The following ADAMTS6 variants were observed in gnomAD, a reference collection of about 807,000 sequenced individuals.
ADAMTS6 encodes the protein A disintegrin and metalloproteinase with thrombospondin motifs 6.
ADAMTS6 carries 23 observed loss-of-function variants against 144.3 expected under a neutral mutation model. The ratio of observed to expected loss-of-function variants is 0.16; its 90% CI spans 0.11 to 0.23. ADAMTS6 has a LOEUF of 0.23. ADAMTS6 is among the 10% of genes least tolerant of loss of function. The pLI, the probability that ADAMTS6 is intolerant of heterozygous loss-of-function variation, is 1.00. For missense variants in ADAMTS6, 999 were observed against 1,379.6 expected (o/e 0.72, Z 4.37); for synonymous variants, 444 against 457.5 (o/e 0.97, Z 0.38).
At chr5:65,152,013 G>T in intron 24 of ADAMTS6, 68 bp from the exon 25 acceptor site, 1 of 1,353,924 alleles carries the variant, frequency 7.4e-7, no homozygotes, top group Non-Finnish European at 1.0e-6. Flanking sequence ...ACAAGCCGAT[G>T]GGCCTGCATG....
chr5:65,307,541 T>G (rs1744048915), intron 9 of ADAMTS6, among the ~76,000 whole-genome samples: 1 of 152,192 alleles, frequency 6.6e-6, no homozygotes, highest in South Asian at 2.1e-4. Context: ...ATGATGAACT[T>G]TGCCCTTTTT....
chr5:65,470,193 G>A (rs1314331210), intron 3 of ADAMTS6, among the ~76,000 whole-genome samples: 1 of 151,572 alleles, frequency 6.6e-6, no homozygotes, highest in East Asian at 1.9e-4. Flanking sequence ...TAAAACACTG[G>A]GATTACAGAC....
At chr5:65,368,943 C>T (rs915306206) in intron 7 of ADAMTS6, among the ~76,000 whole-genome samples, 1 of 152,176 alleles carries the variant, frequency 6.6e-6, no homozygotes, top group Non-Finnish European at 1.5e-5. Flanking sequence ...GTAGTCCCAG[C>T]TACTTGGGAA....
chr5:65,261,285 A>C (rs979670440), intron 13 of ADAMTS6, among the ~76,000 whole-genome samples: 13 of 152,192 alleles, frequency 8.5e-5, no homozygotes, highest in African/African-American at 3.1e-4. Flanking sequence ...TTAATGAAAC[A>C]GTAAGACGTC....
At chr5:65,441,789 G>A (rs1266528785) in intron 7 of ADAMTS6, among the ~76,000 whole-genome samples, 1 of 150,820 alleles carries the variant, frequency 6.6e-6, no homozygotes, top group Non-Finnish European at 1.5e-5. Flanking sequence ...GCAGTGGGGG[G>A]GAATTTGGAA....
intron 15 of ADAMTS6, among the ~76,000 whole-genome samples, chr5:65,232,509 A>G (rs1488053603): frequency 6.6e-6 from 1 of 152,104 alleles, no homozygotes; most frequent in African/African-American, 2.4e-5. Flanking sequence ...CAGAAATGGA[A>G]GAGGAGACAT....
chr5:65,361,459 T>C (rs898018780), intron 7 of ADAMTS6, among the ~76,000 whole-genome samples: 1 of 152,198 alleles, frequency 6.6e-6, no homozygotes, highest in Non-Finnish European at 1.5e-5. Context: ...AGTTTCAACC[T>C]ACAACTCCCA....
chr5:65,362,293 G>C (rs1440186925), intron 7 of ADAMTS6, among the ~76,000 whole-genome samples: 1 of 152,146 alleles, frequency 6.6e-6, no homozygotes, highest in South Asian at 2.1e-4. Context: ...ATACCATTTG[G>C]CAAGCATCTC....
At chr5:65,447,331 C>A (rs947245073) in intron 7 of ADAMTS6, among the ~76,000 whole-genome samples, 1 of 151,986 alleles carries the variant, frequency 6.6e-6, no homozygotes, top group African/African-American at 2.4e-5. Context: ...TCCTAAGTAG[C>A]TATTAATTTG....
At chr5:65,376,011 A>G (rs1388416256) in intron 7 of ADAMTS6, among the ~76,000 whole-genome samples, 1 of 152,084 alleles carries the variant, frequency 6.6e-6, no homozygotes, top group Non-Finnish European at 1.5e-5. Context: ...TATTGCAAGA[A>G]CAAAAAAACA....
intron 7 of ADAMTS6, among the ~76,000 whole-genome samples, chr5:65,404,673 G>T (rs1449435198): frequency 6.6e-6 from 1 of 152,176 alleles, no homozygotes; most frequent in Non-Finnish European, 1.5e-5. Context: ...TAATGGGATG[G>T]CTGGGTCAAA....
chr5:65,316,119 C>A (rs948377639), intron 9 of ADAMTS6, among the ~76,000 whole-genome samples: 1 of 152,110 alleles, frequency 6.6e-6, no homozygotes, highest in Non-Finnish European at 1.5e-5. Flanking sequence ...ACCATGTTGC[C>A]CAGGCTGGTT....
At chr5:65,382,916 G>A (rs1293524766) in intron 7 of ADAMTS6, among the ~76,000 whole-genome samples, 1 of 152,160 alleles carries the variant, frequency 6.6e-6, no homozygotes, top group East Asian at 1.9e-4. Flanking sequence ...GAAGTCCAAG[G>A]TCAAGGCACA....
At chr5:65,250,154 A>G (rs1283792750) in intron 14 of ADAMTS6, among the ~76,000 whole-genome samples, 1 of 152,232 alleles carries the variant, frequency 6.6e-6, no homozygotes, top group East Asian at 1.9e-4. Context: ...TGAGGTATTG[A>G]ATACCAGTTA....
intron 7 of ADAMTS6, among the ~76,000 whole-genome samples, chr5:65,360,355 C>G (rs1749714361): frequency 6.6e-6 from 1 of 152,078 alleles, no homozygotes; most frequent in East Asian, 1.9e-4. Context: ...TCCAATCACC[C>G]ACCAGCCGCA....
intron 9 of ADAMTS6, among the ~76,000 whole-genome samples, chr5:65,314,725 T>C (rs769352753): frequency 2.6e-5 from 4 of 152,166 alleles, no homozygotes; most frequent in Non-Finnish European, 1.5e-5. Flanking sequence ...ACCATGTAAA[T>C]TCTGTGTCCA....
At chr5:65,300,152 CATAGAATAAATAAATAAGAA>C in intron 9 of ADAMTS6, 21 bp from the exon 10 acceptor site, 1 of 1,602,304 alleles carries the variant, frequency 6.2e-7, no homozygotes, top group Non-Finnish European at 8.5e-7. Context: ...GAGGAAGAAA[CATAGAATAAATAAATAAGAA>C]AAAAACCCCA....
intron 18 of ADAMTS6, among the ~76,000 whole-genome samples, chr5:65,223,073 G>T (rs1464578494): frequency 1.3e-5 from 2 of 152,008 alleles, no homozygotes; most frequent in Non-Finnish European, 2.9e-5. Context: ...AAATTAAAAA[G>T]ACTGACAATA....
intron 11 of ADAMTS6, among the ~76,000 whole-genome samples, chr5:65,283,893 C>T (rs1014862385): frequency 2.0e-5 from 3 of 152,054 alleles, no homozygotes; most frequent in African/African-American, 7.2e-5. Context: ...AGCAATCAAA[C>T]TGTAATAAGT....
Sources: allele counts gnomAD v4.1 joint callset (sites outside exome capture counted in the v4.1 genomes callset), GRCh38; gene constraint gnomAD v4.1.1; transcripts MANE v1.5; gene names NCBI Gene and HGNC (gene_info 2026-07-23, HGNC 2026-07-21).